REXO5: variants seen among roughly 807,000 people sequenced by gnomAD.
REXO5 encodes the protein exonuclease NEF-sp.
In REXO5, 48 loss-of-function variants were observed where a neutral mutation model predicts 88.5. The observed-to-expected ratio is 0.54, with a 90% confidence interval of 0.43 to 0.69. The LOEUF (loss-of-function observed/expected upper bound fraction) is 0.69, where lower values mean the gene tolerates loss of function less well. Among genes scored for constraint, REXO5 ranks in the 30% least tolerant of loss-of-function variants. The pLI is 0.00. For synonymous variants in REXO5, 311 were observed against 336.5 expected (o/e 0.92, Z 0.83); for missense variants, 749 against 912.2 (o/e 0.82, Z 2.30).
chr16:20,832,493 CAA>C lies in REXO5; in HGVS notation c.1262+247_1262+248del, dbSNP rs199601332. Among the ~76,000 whole-genome samples, 248 of 120,300 alleles carry C rather than the reference CAA, an allele frequency of 2.1e-3. 1 individual carries two copies. Among genetic ancestry groups the C allele is most frequent in the African/African-American group, 6.1e-3 (198 of 32,392 alleles). 78.9% of individuals were successfully genotyped at this position (120,300 alleles called of 152,430 possible). ...GCTGGTCTAAAATGATATCCTTGATCAAAAAAAAAAAAAAGAAAAAATAATTG... is the reference window on the plus strand; with the variant it reads ...GCTGGTCTAAAATGATATCCTTGATCAAAAAAAAAAAAGAAAAAATAATTG... On this transcript the variant is annotated intron_variant, in intron 12 of 19. Coordinates refer to ENST00000261377, the MANE Select transcript of REXO5 (RefSeq NM_030941.3).
Position 20,813,233 on chromosome 16 carries a change from T to C in REXO5, c.182T>C (p.Val61Ala), listed in dbSNP as rs1269153583. 1 of 1,614,068 alleles carries C rather than the reference T, an allele frequency of 6.2e-7. No individual in the cohort carries two copies. Among genetic ancestry groups the C allele is most frequent in the Non-Finnish European group, 8.5e-7 (1 of 1,179,972 alleles). The change falls in exon 3 of 20, where the codon GTA becomes GCA. Residue 61 changes from valine (V) to alanine (A), a missense_variant. Physicochemically the swap from Val to Ala is moderately conservative, Grantham distance 64 (BLOSUM62 0). Transcript: ENST00000261377. ...STILFTDNCE[V>A]THDQLCELLK... ...ATTTTATTTACTGACAACTGTGAAG[T>C]AACCCATGACCAGCTGTGTGAATTG...
intron 1 of REXO5, 46 bp downstream of exon 1, chr16:20,806,751 G>T (rs574938308): frequency 3.0e-6 from 3 of 1,010,582 alleles, no homozygotes; most frequent in African/African-American, 3.3e-5. Context: ...AGCGGCGCGG[G>T]TGTCCAGTCC....
At chr16:20,809,031 A>AT (rs1040310926) in intron 2 of REXO5, among the ~76,000 whole-genome samples, 3 of 151,468 alleles carry the variant, frequency 2.0e-5, no homozygotes, top group African/African-American at 4.9e-5. Context: ...CCAGCTGAAA[A>AT]TTTTTTTTAT....
intron 2 of REXO5, among the ~76,000 whole-genome samples, chr16:20,807,721 G>A (rs1345981958): frequency 2.0e-5 from 3 of 146,530 alleles, no homozygotes; most frequent in African/African-American, 5.0e-5. Flanking sequence ...GGGCAATATA[G>A]CAAGGACCCC....
At chr16:20,839,887 T>G (rs764752112) in intron 14 of REXO5, 28 bp downstream of exon 14, 19 of 1,383,448 alleles carry the variant, frequency 1.4e-5, no homozygotes, top group Non-Finnish European at 1.8e-5. Flanking sequence ...GCTGAATGAT[T>G]TATTTAGTGA....
chr16:20,840,508 G>A (rs377716242), intron 15 of REXO5, 40 bp downstream of exon 15: 2 of 1,499,194 alleles, frequency 1.3e-6, no homozygotes, highest in African/African-American at 2.7e-5. Context: ...CTAGATTAGT[G>A]TTAGACATTC....
At chr16:20,834,583 A>G (rs1198684465) in intron 13 of REXO5, among the ~76,000 whole-genome samples, 1 of 152,114 alleles carries the variant, frequency 6.6e-6, no homozygotes, top group Non-Finnish European at 1.5e-5. Context: ...GGGCACTCCC[A>G]TTGCATATGT....
At chr16:20,846,900 G>T (rs1049415957) in intron 19 of REXO5, among the ~76,000 whole-genome samples, 7 of 152,184 alleles carry the variant, frequency 4.6e-5, no homozygotes, top group African/African-American at 7.2e-5. Flanking sequence ...GAGGGATTTG[G>T]AATAAATCAG....
chr16:20,842,428 C>T (rs2081542250), intron 15 of REXO5, among the ~76,000 whole-genome samples: 1 of 151,346 alleles, frequency 6.6e-6, no homozygotes, highest in South Asian at 2.1e-4. Flanking sequence ...TTTTGTTTAT[C>T]CATTTGTTGA....
chr16:20,840,363 C>T lies in REXO5; in HGVS notation c.1521C>T (p.Val507=), dbSNP rs760987760. 6.4e-6 allele frequency: 10 copies of T among 1,573,536 alleles called. No individual in the cohort carries two copies. The Admixed American group carries it at 8.5e-5, about 13-fold the overall frequency. The part of the protein sequence containing the change: ...MRIKWTEIST[V]YAGPFSKNCN... ...TCAAGTGGACAGAGATATCAACTGT[C>T]TATGCTGGGCCATTTAGCAAAAATT... is the stretch of plus-strand genomic sequence containing the variant. Residue 507 remains valine (V), a synonymous_variant, in exon 15 of 20, where the codon GTC becomes GTT. Coordinates refer to ENST00000261377, the MANE Select transcript of REXO5 (RefSeq NM_030941.3).
chr16:20,846,187 C>A, intron 18 of REXO5, 34 bp from the exon 19 acceptor site: 1 of 1,530,876 alleles, frequency 6.5e-7, no homozygotes, highest in South Asian at 1.1e-5. Context: ...AGAGAGTGTT[C>A]TGGCTGAGTA....
chr16:20,829,801 G>A (rs953731000), intron 11 of REXO5, among the ~76,000 whole-genome samples: 9 of 152,180 alleles, frequency 5.9e-5, no homozygotes, highest in Non-Finnish European at 1.2e-4. Flanking sequence ...GTCAGTCAGA[G>A]GTGGAACCAG....
At chr16:20,832,297 G>T (rs747740222) in intron 12 of REXO5, 38 bp downstream of exon 12, 21 of 1,311,838 alleles carry the variant, frequency 1.6e-5, no homozygotes, top group Non-Finnish European at 2.2e-5. Flanking sequence ...AAAGACAAAT[G>T]GAGTATCTAG....
rs375897498 is a variant in REXO5, at chr16:20,815,028, G to T, written c.353G>T (p.Gly118Val). The change falls in exon 4 of 20, where the codon GGA (glycine) becomes GTA (valine). Residue 118 changes from glycine (G) to valine (V), a missense_variant. Physicochemically the swap from Gly to Val is moderately radical, Grantham distance 109. Coordinates refer to ENST00000261377, the MANE Select transcript of REXO5 (RefSeq NM_030941.3). ...TTTTACAGGTTCTATTTGGAGTTTG[G>T]ATGTCTTCGAAAAGCATTCAGACAT... ...LHFYRFYLEF[G>V]CLRKAFRHKF... 1.2e-6 allele frequency: 2 copies of T among 1,613,118 alleles called. No individual in the cohort carries two copies. Among genetic ancestry groups the T allele is most frequent in the Non-Finnish European group, 1.7e-6 (2 of 1,179,858 alleles).
chr16:20,836,390 T>G (rs949826307), intron 13 of REXO5, among the ~76,000 whole-genome samples: 5 of 152,196 alleles, frequency 3.3e-5, no homozygotes, highest in African/African-American at 1.2e-4. Context: ...GTATATAGCT[T>G]TTTCAGACTG....
chr16:20,806,804 A>C, intron 1 of REXO5, 99 bp downstream of exon 1: 1 of 1,271,794 alleles, frequency 7.9e-7, no homozygotes, highest in Non-Finnish European at 1.1e-6. Context: ...TTTTAGGGGA[A>C]CGGGGATAGT....
intron 2 of REXO5, among the ~76,000 whole-genome samples, chr16:20,809,316 A>G (rs1395677948): frequency 6.6e-6 from 1 of 152,216 alleles, no homozygotes; most frequent in Non-Finnish European, 1.5e-5. Context: ...CAAAATTGGA[A>G]ATTACCATGG....
intron 1 of REXO5, 97 bp downstream of exon 1, chr16:20,806,802 G>C: frequency 7.8e-7 from 1 of 1,286,180 alleles, no homozygotes; most frequent in African/African-American, 1.5e-5. Flanking sequence ...TTTTTTAGGG[G>C]AACGGGGATA....
chr16:20,809,957 GT>G (rs1184276340), intron 2 of REXO5, among the ~76,000 whole-genome samples: 1 of 152,162 alleles, frequency 6.6e-6, no homozygotes, highest in Admixed American at 6.5e-5. Flanking sequence ...TGTTCAGTGT[GT>G]TACTATCTTT....
Sources: gnomAD v4.1 joint callset for allele counts (sites outside exome capture counted in the v4.1 genomes callset) on GRCh38, gnomAD v4.1.1 for gene constraint, MANE v1.5 for transcripts, NCBI Gene and HGNC (gene_info 2026-07-23, HGNC 2026-07-21) for gene names.